Variants in SLC26A4 observed in about 807,000 individuals in gnomAD.
SLC26A4 encodes pendrin.
Under a neutral mutation model 90.4 loss-of-function variants are expected in SLC26A4, and 93 were observed. The observed-to-expected ratio is 1.03, with a 90% CI of 0.87 to 1.22. The LOEUF (loss-of-function observed/expected upper bound fraction) is 1.22. Among genes scored for constraint, SLC26A4 ranks in the 50% most tolerant of loss-of-function variants. The pLI, the probability that SLC26A4 is intolerant of heterozygous loss-of-function variation, is 0.00. For missense variants in SLC26A4, 1,127 were observed against 946.2 expected, an observed-to-expected ratio of 1.19 and a Z score of -2.51; for synonymous variants, 393 against 354.6, an observed-to-expected ratio of 1.11 and a Z score of -1.22.
intron 5 of SLC26A4, 113 bp from the exon 6 acceptor site, chr7:107,674,832 T>C: frequency 1.0e-6 from 1 of 972,004 alleles, no homozygotes; most frequent in South Asian, 1.3e-5. Flanking sequence ...ATTTTTGTGC[T>C]ATAGGCAGGC....
At position 107,702,051 on chromosome 7, in the gene SLC26A4, G is replaced by A; in HGVS notation, c.2028G>A (p.Leu676=). Residue 676 remains leucine (L), a synonymous_variant, in exon 17 of 21, where the codon CTG becomes CTA. Transcript: ENST00000644269. ...TGGACGTTGTTGGAGTGAGATCACTGCGGGTGGTAAGGTTCTGGTTTTCTG... is the reference window on the plus strand; with the variant it reads ...TGGACGTTGTTGGAGTGAGATCACTACGGGTGGTAAGGTTCTGGTTTTCTG... ...SFLDVVGVRS[L]RVIVKEFQRI... The A allele has an allele frequency of 6.3e-7, 1 of 1,597,904 alleles. No homozygotes were observed. The highest frequency in any genetic ancestry group is 8.6e-7 in the Non-Finnish European group (1 of 1,165,244).
At chr7:107,686,867 A>G (rs1022630927) in intron 8 of SLC26A4, among the ~76,000 whole-genome samples, 2 of 151,982 alleles carry the variant, frequency 1.3e-5, no homozygotes, top group Non-Finnish European at 1.5e-5. Context: ...TGGTTTGGGG[A>G]ACTCAGGCCT....
intron 19 of SLC26A4, among the ~76,000 whole-genome samples, chr7:107,711,808 C>G (rs929027018): frequency 6.6e-6 from 1 of 152,206 alleles, no homozygotes; most frequent in Non-Finnish European, 1.5e-5. Flanking sequence ...TATCCTCTAC[C>G]TTTCCCATTA....
chr7:107,704,398 A>T lies in SLC26A4; in HGVS notation c.2089+13A>T, dbSNP rs746500699. The T allele has an allele frequency of 3.7e-5, 40 of 1,091,670 alleles. No individual in the cohort carries two copies. In the South Asian group the frequency reaches 4.7e-4, roughly 13 times the overall value. The allele number at this position is 1,091,670 out of a possible 1,614,324, so 67.6% of individuals were successfully genotyped here. A position where few individuals can be genotyped will look rare whatever the true frequency, so the allele number is the denominator to read the frequency against. ...GCATCACTTCAAGGTAAATACATAT[A>T]TCTACATATCTACCTGTAAGACTTT... On this transcript the variant is annotated intron_variant, in intron 18 of 20. Coordinates refer to ENST00000644269, the MANE Select transcript of SLC26A4 (RefSeq NM_000441.2).
At chr7:107,713,398 A>T (rs1792247125) in intron 20 of SLC26A4, among the ~76,000 whole-genome samples, 1 of 152,218 alleles carries the variant, frequency 6.6e-6, no homozygotes, top group Non-Finnish European at 1.5e-5. Flanking sequence ...TACAGAACTC[A>T]ATTTGGCCTT....
intron 6 of SLC26A4, among the ~76,000 whole-genome samples, chr7:107,680,829 A>G (rs1177837463): frequency 6.6e-6 from 1 of 152,136 alleles, no homozygotes; most frequent in Non-Finnish European, 1.5e-5. Flanking sequence ...TAATGATTCC[A>G]AATGTTTTGT....
chr7:107,667,659 G>A (rs535492921), intron 3 of SLC26A4, among the ~76,000 whole-genome samples: 17 of 151,980 alleles, frequency 1.1e-4, no homozygotes, highest in Admixed American at 5.2e-4. Flanking sequence ...TTTGTGAACC[G>A]ATAGGAATGA....
chr7:107,669,108 C>T (rs1790795323), intron 3 of SLC26A4, among the ~76,000 whole-genome samples: 2 of 152,072 alleles, frequency 1.3e-5, no homozygotes, highest in African/African-American at 4.8e-5. Flanking sequence ...CAGGCATGTA[C>T]CAACACCCCC....
intron 3 of SLC26A4, among the ~76,000 whole-genome samples, chr7:107,667,853 G>A (rs886250490): frequency 4.6e-5 from 7 of 152,102 alleles, no homozygotes; most frequent in South Asian, 2.1e-4. Context: ...AGATGCAGAC[G>A]GGTTTGAAAT....
chr7:107,680,201 ATATAATATAATCT>A lies in SLC26A4; in HGVS notation c.766-2985_766-2973del, dbSNP rs1296810981. Reference sequence around the variant, plus strand: ...TTATATAATATAATCTTATCTTATTATATAATATAATCTTATAATATAATCTTAACTTATTATA... The same window carrying A: ...TTATATAATATAATCTTATCTTATTATATAATATAATCTTAACTTATTATA... On this transcript the variant is annotated intron_variant, in intron 6 of 20. Coordinates refer to ENST00000644269, the MANE Select transcript of SLC26A4 (RefSeq NM_000441.2). 7.1e-3 allele frequency among the ~76,000 whole-genome samples: 876 copies of A among 124,092 alleles called. 2 individuals are homozygous for A. Among genetic ancestry groups the A allele is most frequent in the Non-Finnish European group, 0.01 (657 of 63,326 alleles). The allele number at this position is 124,092 out of a possible 152,430, so 81.4% of individuals were successfully genotyped here.
Position 107,663,295 on chromosome 7 carries a change from G to A in SLC26A4, c.165-1G>A, listed in dbSNP as rs759792660. On this transcript the variant is annotated splice_acceptor_variant, in intron 2 of 20. Transcript: ENST00000644269. LOFTEE classifies it high-confidence loss of function. ...AACCCAGTTTTCTTGCTTTTTGACA[G>A]TTGTTCAAGAAAGAGAGCCTTTGGT... is the stretch of plus-strand genomic sequence containing the variant. 7.4e-6 allele frequency: 12 copies of A among 1,614,202 alleles called. No homozygotes were observed. In the Admixed American group the frequency reaches 1.8e-4, roughly 25 times the overall value.
At chr7:107,714,636 C>T (rs1792291433) in intron 20 of SLC26A4, among the ~76,000 whole-genome samples, 1 of 152,022 alleles carries the variant, frequency 6.6e-6, no homozygotes, top group African/African-American at 2.4e-5. Context: ...GTAAAATAAT[C>T]ATTCAGGGAG....
chr7:107,695,849 T>G, intron 12 of SLC26A4, 84 bp from the exon 13 acceptor site: 1 of 814,160 alleles, frequency 1.2e-6, no homozygotes, highest in Non-Finnish European at 2.2e-6. Context: ...TTGTGGATCA[T>G]TGATCTTATT....
chr7:107,685,564 T>A (rs1791374310), intron 8 of SLC26A4, among the ~76,000 whole-genome samples: 1 of 152,132 alleles, frequency 6.6e-6, no homozygotes, highest in Non-Finnish European at 1.5e-5. Flanking sequence ...CATAAGTTAG[T>A]CCCCAATAAC....
At position 107,701,109 on chromosome 7, in the gene SLC26A4, T is replaced by A. The variant is rs2129318096; in HGVS notation, c.1716T>A (p.Phe572Leu). The A allele has an allele frequency of 6.3e-7, 1 of 1,599,778 alleles. No individual in the cohort carries two copies. The highest frequency in any genetic ancestry group is 2.2e-5 in the East Asian group (1 of 44,796). The part of the protein sequence containing the change: ...FKKCIKSTVG[F>L]DAIRVYNKRL... ...GACATTTATTTCCAAAGGTTGGATT[T>A]GATGCCATTAGAGTATATAATAAGA... The change falls in exon 16 of 21, where the codon TTT becomes TTA. Residue 572 changes from phenylalanine to leucine, a missense_variant. By Grantham distance (22) the Phe-to-Leu change is conservative. Transcript: ENST00000644269.
intron 14 of SLC26A4, among the ~76,000 whole-genome samples, chr7:107,699,425 T>C (rs1464932039): frequency 1.3e-5 from 2 of 152,198 alleles, no homozygotes; most frequent in South Asian, 4.1e-4. Context: ...TTTTGCTTTT[T>C]TTCTTTGCTA....
chr7:107,707,778 A>C (rs1311582469), intron 18 of SLC26A4, among the ~76,000 whole-genome samples: 1 of 152,204 alleles, frequency 6.6e-6, no homozygotes, highest in Non-Finnish European at 1.5e-5. Context: ...AGATAAGGCC[A>C]TTTGGTTTAA....
intron 18 of SLC26A4, 138 bp from the exon 19 acceptor site, chr7:107,709,910 CACTTGA>C (rs1792133705): frequency 1.5e-6 from 1 of 660,710 alleles, no homozygotes; most frequent in East Asian, 2.7e-5. Context: ...GTGGGGGGAT[CACTTGA>C]ACTTGGGACG....
At chr7:107,671,021 C>A (rs1216562408) in intron 3 of SLC26A4, among the ~76,000 whole-genome samples, 1 of 152,094 alleles carries the variant, frequency 6.6e-6, no homozygotes, top group East Asian at 1.9e-4. Flanking sequence ...TTCTTTGGGT[C>A]TAACTTTTCT....
Sources: gnomAD v4.1 joint callset for allele counts (sites outside exome capture counted in the v4.1 genomes callset) on GRCh38, gnomAD v4.1.1 for gene constraint, MANE v1.5 for transcripts, NCBI Gene and HGNC (gene_info 2026-07-23, HGNC 2026-07-21) for gene names.